The following TBC1D12 variants were observed in gnomAD, a reference collection of about 807,000 sequenced individuals.
The protein encoded by TBC1D12 is TBC1 domain family, member 12.
A neutral mutation model predicts 86.7 loss-of-function variants in TBC1D12; 56 were observed. The observed-to-expected ratio is 0.65, with a 90% CI of 0.52 to 0.81. The LOEUF (loss-of-function observed/expected upper bound fraction) is 0.81, where lower values mean the gene tolerates loss of function less well. Ranked by LOEUF, TBC1D12 falls within the 30% of genes least tolerant of loss-of-function variation. The pLI, the probability that TBC1D12 is intolerant of heterozygous loss-of-function variation, is 0.00. For synonymous variants in TBC1D12, 421 were observed against 411.7 expected (o/e 1.02, Z -0.27); for missense variants, 1,023 against 1,038.8 (o/e 0.98, Z 0.21).
chr10:94,520,030 AAATC>A (rs768186060), intron 9 of TBC1D12, among the ~76,000 whole-genome samples: 1 of 152,220 alleles, frequency 6.6e-6, no homozygotes, highest in Non-Finnish European at 1.5e-5. Context: ...AAGTTCTAGA[AAATC>A]AAATAGGCAA....
chr10:94,519,190 A>G (rs1378830747), intron 9 of TBC1D12, among the ~76,000 whole-genome samples: 2 of 152,212 alleles, frequency 1.3e-5, no homozygotes, highest in Non-Finnish European at 2.9e-5. Context: ...CTTAAACACC[A>G]TCTTAGGTAC....
Position 94,403,460 on chromosome 10 carries a change from C to T in TBC1D12, c.847C>T (p.Gln283Ter). Residue 283 changes from glutamine to a stop codon, truncating the protein, a stop_gained, in exon 1 of 13, where the codon CAG (glutamine) becomes TAG (stop). Transcript: ENST00000225235. LOFTEE classifies it high-confidence loss of function. ...SRNTFQVSRG[Q>*]SARDHLPPAG... ...CAACACGTTCCAGGTGAGCCGCGGT[C>T]AGAGCGCCCGCGATCACCTGCCCCC... 1 of 1,543,736 alleles carries T rather than the reference C, an allele frequency of 6.5e-7. No individual in the cohort carries two copies. The highest frequency in any genetic ancestry group is 1.2e-5 in the South Asian group (1 of 83,522).
rs547022006 is a variant in TBC1D12 at position 94,533,129 on chromosome 10, A to G, written c.*33A>G. ...AATTGACAGACTAACTGACATAGAA[A>G]AAGTGGTTTTTGGATAAAGGTTTTT... On this transcript the variant is annotated 3_prime_UTR_variant, in exon 13 of 13. Transcript: ENST00000225235. The G allele has an allele frequency of 2.7e-6, 4 of 1,464,164 alleles. No homozygotes were observed. The South Asian group carries it at 5.2e-5, about 19-fold the overall frequency. 90.7% of individuals were successfully genotyped at this position (1,464,164 alleles called of 1,614,324 possible). A position where few individuals can be genotyped will look rare whatever the true frequency, so the allele number is the denominator to read the frequency against.
At position 94,520,551 on chromosome 10, in the gene TBC1D12, CA is replaced by C. The variant is rs552042644; in HGVS notation, c.1762-1397del. Among the ~76,000 whole-genome samples, 783 of 125,260 alleles carry C rather than the reference CA, an allele frequency of 6.3e-3. 14 individuals are homozygous for C. Among genetic ancestry groups the C allele is most frequent in the African/African-American group, 0.02 (719 of 35,996 alleles). The allele number at this position is 125,260 out of a possible 152,430, so 82.2% of individuals were successfully genotyped here. A position where few individuals can be genotyped will look rare whatever the true frequency, so the allele number is the denominator to read the frequency against. Reference sequence around the variant, plus strand: ...GGGCTAAAAGGGTGAAACTCCATCTCAAAAAAATAAAAAAATAAAAGAAAAG... The same window carrying C: ...GGGCTAAAAGGGTGAAACTCCATCTCAAAAAATAAAAAAATAAAAGAAAAG... On this transcript the variant is annotated intron_variant, in intron 9 of 12. Transcript: ENST00000225235.
intron 3 of TBC1D12, among the ~76,000 whole-genome samples, chr10:94,482,450 T>C (rs2056090959): frequency 6.6e-6 from 1 of 152,010 alleles, no homozygotes; most frequent in African/African-American, 2.4e-5. Context: ...GTCTTATTCA[T>C]TCTGGGTTTT....
At chr10:94,494,929 A>G (rs2056295454) in intron 4 of TBC1D12, among the ~76,000 whole-genome samples, 2 of 151,684 alleles carry the variant, frequency 1.3e-5, no homozygotes, top group Admixed American at 6.6e-5. Flanking sequence ...TGGTACAATT[A>G]TAGCTCACTG....
intron 7 of TBC1D12, chr10:94,509,322 C>T (rs1487240986): frequency 3.0e-5 from 1 of 33,118 alleles, no homozygotes; most frequent in East Asian, 1.2e-3. Context: ...GTCTCGAACT[C>T]CTGACCTCAG....
chr10:94,477,988 A>G (rs1322193902), intron 3 of TBC1D12, among the ~76,000 whole-genome samples: 1 of 152,228 alleles, frequency 6.6e-6, no homozygotes, highest in African/African-American at 2.4e-5. Flanking sequence ...CTTGTAGAAA[A>G]GAAACAGAGG....
At chr10:94,532,200 CGGAG>C (rs1278197637) in intron 12 of TBC1D12, among the ~76,000 whole-genome samples, 2 of 138,588 alleles carry the variant, frequency 1.4e-5, no homozygotes, top group Non-Finnish European at 3.2e-5. Context: ...TATTTTGAGA[CGGAG>C]TCTCACTCTG....
At chr10:94,492,033 T>C (rs904754917) in intron 3 of TBC1D12, among the ~76,000 whole-genome samples, 1 of 152,200 alleles carries the variant, frequency 6.6e-6, no homozygotes, top group Non-Finnish European at 1.5e-5. Flanking sequence ...CACCTTAAAT[T>C]GCAAAAGTTA....
intron 3 of TBC1D12, among the ~76,000 whole-genome samples, chr10:94,483,905 A>C (rs2056119462): frequency 1.3e-5 from 2 of 152,190 alleles, no homozygotes; most frequent in South Asian, 4.1e-4. Context: ...GTAGTTTCAT[A>C]GTTTGAGATC....
At chr10:94,455,373 G>C (rs1417877306) in intron 2 of TBC1D12, among the ~76,000 whole-genome samples, 1 of 152,064 alleles carries the variant, frequency 6.6e-6, no homozygotes, top group African/African-American at 2.4e-5. Context: ...CCTTTGTCTA[G>C]TTTTGGTATT....
intron 2 of TBC1D12, among the ~76,000 whole-genome samples, chr10:94,446,625 A>G (rs537356281): frequency 5.9e-5 from 9 of 152,254 alleles, no homozygotes; most frequent in African/African-American, 2.2e-4. Flanking sequence ...CCTGGGCTCA[A>G]GCAATCTTCC....
intron 1 of TBC1D12, among the ~76,000 whole-genome samples, chr10:94,426,348 A>T (rs1444318101): frequency 6.6e-6 from 1 of 152,108 alleles, no homozygotes; most frequent in Non-Finnish European, 1.5e-5. Flanking sequence ...AATTAAGCTA[A>T]TGAACTTCCC....
At chr10:94,422,186 T>G (rs934633789) in intron 1 of TBC1D12, among the ~76,000 whole-genome samples, 4 of 86,248 alleles carry the variant, frequency 4.6e-5, no homozygotes, top group African/African-American at 1.2e-4. Context: ...GTTCATGTAG[T>G]TTTTTTTTTT....
chr10:94,514,930 C>A (rs944116729), intron 9 of TBC1D12, among the ~76,000 whole-genome samples: 5 of 118,358 alleles, frequency 4.2e-5, no homozygotes, highest in African/African-American at 1.3e-4. Context: ...TTTTTTGAGA[C>A]GGAGTCTCAC....
At position 94,490,260 on chromosome 10, in the gene TBC1D12, GA is replaced by G. The variant is rs112917155; in HGVS notation, c.1212-3094del. On this transcript the variant is annotated intron_variant, in intron 3 of 12. Transcript: ENST00000225235. ...ACAAGAGTGAAACTCTGTTTCAAAA[GA>G]AAAAAAAAAAGAAATATTGCAAGAA... 2.0e-3 allele frequency among the ~76,000 whole-genome samples: 270 copies of G among 132,648 alleles called. 1 individual carries two copies. The highest frequency in any genetic ancestry group is 6.2e-3 in the African/African-American group (226 of 36,390). 87.0% of individuals were successfully genotyped at this position (132,648 alleles called of 152,430 possible).
intron 1 of TBC1D12, among the ~76,000 whole-genome samples, chr10:94,425,901 T>C (rs936782048): frequency 2.6e-5 from 4 of 152,162 alleles, no homozygotes; most frequent in Non-Finnish European, 5.9e-5. Context: ...TTGTTAAATT[T>C]ATAATTAAAT....
At chr10:94,427,451 T>C (rs973486616) in intron 1 of TBC1D12, among the ~76,000 whole-genome samples, 1 of 152,240 alleles carries the variant, frequency 6.6e-6, no homozygotes, top group Non-Finnish European at 1.5e-5. Flanking sequence ...GTAATAAGTA[T>C]GCAGCTCAAA....
Sources: gnomAD v4.1 joint callset for allele counts (sites outside exome capture counted in the v4.1 genomes callset) on GRCh38, gnomAD v4.1.1 for gene constraint, MANE v1.5 for transcripts, NCBI Gene and HGNC (gene_info 2026-07-23, HGNC 2026-07-21) for gene names.